Variants in RIC3 observed in about 807,000 individuals in gnomAD.
RIC3 encodes RIC3 acetylcholine receptor chaperone.
A neutral mutation model predicts 27.3 loss-of-function variants in RIC3; 28 were observed. The ratio of observed to expected loss-of-function variants is 1.02; its 90% confidence interval spans 0.76 to 1.41. The LOEUF (loss-of-function observed/expected upper bound fraction) is 1.41. RIC3 is among the 40% of genes most tolerant of loss of function. The probability of loss-of-function intolerance (pLI) is 0.00; values close to 1 mark genes in which losing one functional copy is unlikely to be tolerated. For missense variants in RIC3, 501 were observed against 444.7 expected (o/e 1.13, Z -1.14); for synonymous variants, 184 against 160.4 (o/e 1.15, Z -1.11).
At chr11:8,105,473 CAGAT>C (rs988243204), downstream of RIC3, 3 of 151,448 alleles carry the variant, frequency 2.0e-5, no homozygotes, top group African/African-American at 7.3e-5. Context: ...AGGGGCAGAA[CAGAT>C]AGATTACGAC....
At position 8,144,398 on chromosome 11, in the gene RIC3, A is replaced by G. The variant is rs373995745; in HGVS notation, c.125-4205T>C. On this transcript the variant is annotated intron_variant, in intron 1 of 5. Transcript: ENST00000309737. ...ATGAACAGACACTTCTCAAAAGAAG[A>G]CATTTATGCAGCCAAAAAACACATG... is the stretch of plus-strand genomic sequence containing the variant. 2.7e-5 allele frequency among the ~76,000 whole-genome samples: 4 copies of G among 150,096 alleles called. No individual in the cohort carries two copies. In the East Asian group the frequency reaches 7.7e-4, roughly 29 times the overall value.
At chr11:8,111,619 T>C (rs963055598) in intron 5 of RIC3, among the ~76,000 whole-genome samples, 1 of 152,208 alleles carries the variant, frequency 6.6e-6, no homozygotes, top group African/African-American at 2.4e-5. Flanking sequence ...TTTCTATTTA[T>C]CCAAACAATT....
chr11:8,119,215 A>G (rs1282306475), intron 5 of RIC3, among the ~76,000 whole-genome samples: 4 of 152,226 alleles, frequency 2.6e-5, no homozygotes, highest in Non-Finnish European at 4.4e-5. Flanking sequence ...ACATTCGTAC[A>G]CGCTCAGACA....
rs61369535 is a variant in RIC3 at position 8,137,689 on chromosome 11, G to A, written c.428-218C>T. ...ATTTAGTTCCATAGAAAATCCAGAA[G>A]TAAATCCAAAAAGCAGTTACAGCCC... On this transcript the variant is annotated intron_variant, in intron 3 of 5. Transcript: ENST00000309737. Among the ~76,000 whole-genome samples, 397 of 152,022 alleles carry A rather than the reference G, an allele frequency of 2.6e-3. 2 individuals carry two copies. The highest frequency in any genetic ancestry group is 9.3e-3 in the African/African-American group (384 of 41,488).
chr11:8,125,441 C>A (rs750120042), intron 5 of RIC3, among the ~76,000 whole-genome samples: 27 of 152,130 alleles, frequency 1.8e-4, no homozygotes, highest in Non-Finnish European at 2.4e-4. Context: ...TGCAACCCAA[C>A]AAGAACCTAA....
intron 5 of RIC3, 61 bp from the exon 6 acceptor site, chr11:8,111,198 G>C: frequency 8.8e-7 from 1 of 1,139,658 alleles, no homozygotes; most frequent in Non-Finnish European, 1.3e-6. Context: ...AAAAAAAATA[G>C]TGTCAGGTTC....
At chr11:8,151,231 A>C (rs1950188038) in intron 1 of RIC3, among the ~76,000 whole-genome samples, 1 of 152,198 alleles carries the variant, frequency 6.6e-6, no homozygotes, top group South Asian at 2.1e-4. Flanking sequence ...AATATTTGCT[A>C]ATCATGTATC....
At chr11:8,096,996 G>T in the RIC3 span, among the ~76,000 whole-genome samples, 4 of 152,110 alleles carry the variant, frequency 2.6e-5, no homozygotes, top group Admixed American at 6.5e-5. Flanking sequence ...GATGCAGTTG[G>T]ACAGGATGAC....
rs1220786276 is a variant in RIC3, at chr11:8,138,339, C to G, written c.360G>C (p.Lys120Asn). The G allele has an allele frequency of 3.7e-6, 6 of 1,611,642 alleles. No homozygotes were observed. The highest frequency in any genetic ancestry group is 1.1e-5 in the South Asian group (1 of 91,024). The change falls in exon 3 of 6, where the codon AAG (lysine) becomes AAC (asparagine). Residue 120 changes from lysine (K) to asparagine (N), a missense_variant. Coordinates refer to ENST00000309737, the MANE Select transcript of RIC3 (RefSeq NM_001206671.4). ...YILYILFKLS[K>N]GKTTAEDGKC... Reference sequence around the variant, plus strand: ...TCCCATCCTCTGCAGTTGTTTTCCCCTTTGAGAGCTGAGAATTGAAGGAGG... The same window carrying G: ...TCCCATCCTCTGCAGTTGTTTTCCCGTTTGAGAGCTGAGAATTGAAGGAGG...
chr11:8,131,900 CAAAAAAAAAAA>C (rs796158730), intron 4 of RIC3, among the ~76,000 whole-genome samples: 58 of 26,198 alleles, frequency 2.2e-3, no homozygotes, highest in African/African-American at 5.6e-3. Context: ...GACTCCATCT[CAAAAAAAAAAA>C]AAAAAAAAAA....
intron 4 of RIC3, among the ~76,000 whole-genome samples, chr11:8,130,663 A>T (rs1365682185): frequency 6.6e-6 from 1 of 152,170 alleles, no homozygotes; most frequent in Non-Finnish European, 1.5e-5. Context: ...GCCTTCTAGT[A>T]TGTAGTCACT....
intron 4 of RIC3, among the ~76,000 whole-genome samples, chr11:8,130,770 G>A (rs1236099057): frequency 6.6e-6 from 1 of 152,050 alleles, no homozygotes; most frequent in Non-Finnish European, 1.5e-5. Context: ...GTGTTGTGGG[G>A]GGGAGAGAGG....
At chr11:8,138,445 A>T in intron 2 of RIC3, 98 bp from the exon 3 acceptor site, 1 of 716,754 alleles carries the variant, frequency 1.4e-6, no homozygotes. Flanking sequence ...GGAAACAAAA[A>T]TGAAGGTCAG....
chr11:8,095,714 T>G, the RIC3 span: 798 of 1,536,344 alleles, frequency 5.2e-4, no homozygotes, highest in Non-Finnish European at 6.4e-4. Flanking sequence ...AGTCCCAGGT[T>G]CTCAGATGCA....
chr11:8,166,494 G>A (rs907019854), intron 1 of RIC3, among the ~76,000 whole-genome samples: 7 of 152,044 alleles, frequency 4.6e-5, no homozygotes, highest in African/African-American at 1.7e-4. Context: ...TTCAAAGCAG[G>A]GATTTCTGGG....
intron 1 of RIC3, among the ~76,000 whole-genome samples, chr11:8,151,878 T>C (rs1396426988): frequency 6.8e-6 from 1 of 147,672 alleles, no homozygotes; most frequent in Non-Finnish European, 1.5e-5. Context: ...ATCACACCAC[T>C]GCACTCCAGC....
In RIC3 at chr11:8,108,055, A is replaced by C. The variant is rs1388418846; in HGVS notation, c.*2643T>G. On this transcript the variant is annotated 3_prime_UTR_variant, in exon 6 of 6. Transcript: ENST00000309737. ...TAAATCCTAAATAACTGAAAGGTAC[A>C]TCCAAATGTCTGATATATAAATACA... 1 of 152,252 alleles carries C rather than the reference A, an allele frequency of 6.6e-6. No homozygotes were observed. Among genetic ancestry groups the C allele is most frequent in the Non-Finnish European group, 1.5e-5 (1 of 68,046 alleles). The allele number at this position is 152,252 out of a possible 1,614,324, so 9.4% of individuals were successfully genotyped here.
intron 1 of RIC3, among the ~76,000 whole-genome samples, chr11:8,150,212 C>A (rs1469354903): frequency 6.6e-6 from 1 of 152,196 alleles, no homozygotes; most frequent in Non-Finnish European, 1.5e-5. Flanking sequence ...CACTTCCCAG[C>A]CTGTCAGAAT....
intron 1 of RIC3, among the ~76,000 whole-genome samples, chr11:8,141,235 G>A (rs1455456260): frequency 1.3e-5 from 2 of 152,072 alleles, no homozygotes; most frequent in Admixed American, 6.5e-5. Context: ...ACACAGACTG[G>A]CAAATTGGAT....
Sources: allele counts gnomAD v4.1 joint callset (sites outside exome capture counted in the v4.1 genomes callset), GRCh38; gene constraint gnomAD v4.1.1; transcripts MANE v1.5; gene names NCBI Gene and HGNC (gene_info 2026-07-23, HGNC 2026-07-21).